Variants in DNAJC10 observed in about 807,000 individuals in gnomAD.
DNAJC10 encodes DnaJ heat shock protein family (Hsp40) member C10, also known as endoplasmic reticulum disulfide reductase DNAJC10.
A neutral mutation model predicts 115.0 loss-of-function variants in DNAJC10; 101 were observed. The observed-to-expected ratio is 0.88, with a 90% confidence interval of 0.75 to 1.04. The LOEUF (loss-of-function observed/expected upper bound fraction) is 1.04, where lower values mean the gene tolerates loss of function less well. Ranked by LOEUF, DNAJC10 falls within the 50% of genes least tolerant of loss-of-function variation. DNAJC10 has a pLI of 0.00. For synonymous variants in DNAJC10, 307 were observed against 301.5 expected (o/e 1.02, Z -0.19); for missense variants, 981 against 928.8 (o/e 1.06, Z -0.73).
chr2:182,764,943 A>G (rs530184859), intron 22 of DNAJC10, among the ~76,000 whole-genome samples: 2 of 152,292 alleles, frequency 1.3e-5, no homozygotes, highest in African/African-American at 2.4e-5. Context: ...TAAGATTACC[A>G]TGGGGACCCT....
At position 182,741,330 on chromosome 2, in the gene DNAJC10, ACT is replaced by A. The variant is rs1693731923; in HGVS notation, c.1168_1169del (p.Leu390ThrfsTer2). 6.3e-7 allele frequency: 1 copy of A among 1,582,850 alleles called. No homozygotes were observed. The highest frequency in any genetic ancestry group is 2.3e-5 in the East Asian group (1 of 44,048). ...TGATCCTGAGCTGAAAAAACTAAAA[ACT>A]CTACTTAAAAATGATCATATTCAAG... ...SNDPELKKLK[T>X]LLKNDHIQVG... On this transcript the variant is annotated frameshift_variant, in exon 13 of 24. Coordinates refer to ENST00000264065, the MANE Select transcript of DNAJC10 (RefSeq NM_018981.4). LOFTEE classifies it high-confidence loss of function.
intron 22 of DNAJC10, among the ~76,000 whole-genome samples, chr2:182,771,451 T>G (rs1262648752): frequency 6.6e-6 from 1 of 152,218 alleles, no homozygotes; most frequent in African/African-American, 2.4e-5. Context: ...TGAATCCTTC[T>G]GGTCCTGGAC....
intron 11 of DNAJC10, among the ~76,000 whole-genome samples, chr2:182,737,588 C>T (rs555116885): frequency 2.0e-5 from 3 of 152,238 alleles, no homozygotes; most frequent in African/African-American, 7.2e-5. Context: ...TACACATGCA[C>T]CTATACGTAT....
At chr2:182,754,955 A>G (rs752381130) in intron 16 of DNAJC10, 48 bp from the exon 17 acceptor site, 3 of 1,388,376 alleles carry the variant, frequency 2.2e-6, no homozygotes, top group South Asian at 2.4e-5. Flanking sequence ...TTTGTAACAA[A>G]TAGGTGAAAT....
intron 14 of DNAJC10, among the ~76,000 whole-genome samples, chr2:182,750,210 G>T (rs541228223): frequency 6.6e-6 from 1 of 152,192 alleles, no homozygotes; most frequent in Non-Finnish European, 1.5e-5. Flanking sequence ...GCAGTTGAGT[G>T]ATTGTACCGT....
chr2:182,774,589 C>G (rs1378940054), intron 22 of DNAJC10, among the ~76,000 whole-genome samples: 1 of 152,236 alleles, frequency 6.6e-6, no homozygotes, highest in Non-Finnish European at 1.5e-5. Flanking sequence ...GCTACCACCT[C>G]ACAGTTCAAT....
At chr2:182,745,316 G>C (rs1574936698) in intron 14 of DNAJC10, among the ~76,000 whole-genome samples, 1 of 152,148 alleles carries the variant, frequency 6.6e-6, no homozygotes, top group African/African-American at 2.4e-5. Context: ...CTTAGCTCCA[G>C]CTACCTTTGG....
chr2:182,771,691 T>C (rs1694567373), intron 22 of DNAJC10, among the ~76,000 whole-genome samples: 1 of 152,216 alleles, frequency 6.6e-6, no homozygotes, highest in Admixed American at 6.5e-5. Flanking sequence ...TATCATTTTT[T>C]ATTGCGTCCA....
At chr2:182,739,918 G>A in intron 11 of DNAJC10, 2 of 985,246 alleles carry the variant, frequency 2.0e-6, no homozygotes, top group Non-Finnish European at 2.4e-6. Flanking sequence ...TAAAACATTG[G>A]CATTCTGTAA....
chr2:182,748,474 G>T, intron 14 of DNAJC10, among the ~76,000 whole-genome samples: 1 of 152,130 alleles, frequency 6.6e-6, no homozygotes, highest in Non-Finnish European at 1.5e-5. Flanking sequence ...TGTATGAGTC[G>T]AGGAACTTAT....
chr2:182,736,680 A>G (rs1444783553), intron 11 of DNAJC10, among the ~76,000 whole-genome samples: 2 of 152,224 alleles, frequency 1.3e-5, no homozygotes, highest in African/African-American at 2.4e-5. Context: ...CCCCAAAAGT[A>G]TGGAGTACAT....
intron 14 of DNAJC10, 138 bp downstream of exon 14, chr2:182,743,850 T>C: frequency 4.9e-6 from 3 of 614,928 alleles, no homozygotes; most frequent in South Asian, 2.1e-5. Context: ...AGGACAGATA[T>C]TTTGAATTAT....
chr2:182,780,786 A>G lies in DNAJC10; in HGVS notation c.*3654A>G, dbSNP rs2105719417. The G allele has an allele frequency of 6.6e-6, 1 of 152,292 alleles. No individual in the cohort carries two copies. The highest frequency in any genetic ancestry group is 6.5e-5 in the Admixed American group (1 of 15,282). 9.4% of individuals were successfully genotyped at this position (152,292 alleles called of 1,614,324 possible). A position where few individuals can be genotyped will look rare whatever the true frequency, so the allele number is the denominator to read the frequency against. ...ATGGAAACTAGCCAAAAATACAGCC[A>G]AAGTCTCAACGCCAAACTGGTCTAC... On this transcript the variant is annotated 3_prime_UTR_variant, in exon 24 of 24. Coordinates refer to ENST00000264065, the MANE Select transcript of DNAJC10 (RefSeq NM_018981.4).
At position 182,777,111 on chromosome 2, in the gene DNAJC10, A is replaced by G; in HGVS notation, c.2371-10A>G. 7.1e-7 allele frequency: 1 copy of G among 1,404,178 alleles called. No homozygotes were observed. The highest frequency in any genetic ancestry group is 2.5e-5 in the East Asian group (1 of 40,662). 87.0% of individuals were successfully genotyped at this position (1,404,178 alleles called of 1,614,324 possible). ...CTCCTTTCTCTATCGCCTTTACATT[A>G]TTATTATAGGATGAACTTTGATAAT... On this transcript the variant is annotated splice_polypyrimidine_tract_variant and intron_variant, in intron 23 of 23. Coordinates refer to ENST00000264065, the MANE Select transcript of DNAJC10 (RefSeq NM_018981.4).
chr2:182,738,950 C>A (rs1226893895), intron 11 of DNAJC10, among the ~76,000 whole-genome samples: 1 of 151,924 alleles, frequency 6.6e-6, no homozygotes, highest in Non-Finnish European at 1.5e-5. Context: ...CTAACAAATT[C>A]TCCTCTAACA....
rs528524748 is a variant in DNAJC10 at position 182,768,602 on chromosome 2, G to C, written c.2265+5801G>C. Among the ~76,000 whole-genome samples, 94 of 152,282 alleles carry C rather than the reference G, an allele frequency of 6.2e-4. 2 individuals carry two copies. Among genetic ancestry groups the C allele is most frequent in the African/African-American group, 2.1e-3 (88 of 41,554 alleles). On this transcript the variant is annotated intron_variant, in intron 22 of 23. Coordinates refer to ENST00000264065, the MANE Select transcript of DNAJC10 (RefSeq NM_018981.4). ...AATTCTAGCACATAGTTGGGGATTAGAGTTCACACCAAGATTAAGACAACA... is the reference window on the plus strand; with the variant it reads ...AATTCTAGCACATAGTTGGGGATTACAGTTCACACCAAGATTAAGACAACA...
Position 182,716,450 on chromosome 2 carries a change from G to A in DNAJC10, c.-237G>A, listed in dbSNP as rs904152862. 5 of 152,834 alleles carry A rather than the reference G, an allele frequency of 3.3e-5. No individual in the cohort carries two copies. Among genetic ancestry groups the A allele is most frequent in the African/African-American group, 1.2e-4 (5 of 41,572 alleles). 9.5% of individuals were successfully genotyped at this position (152,834 alleles called of 1,614,324 possible). A position where few individuals can be genotyped will look rare whatever the true frequency, so the allele number is the denominator to read the frequency against. On this transcript the variant is annotated 5_prime_UTR_variant, in exon 1 of 24. Coordinates refer to ENST00000264065, the MANE Select transcript of DNAJC10 (RefSeq NM_018981.4). Reference sequence around the variant, plus strand: ...CCGCCGCCAGGGTTTGAGGATGGGGGAGTAGCTACAGGAAGCGACCCCGCG... The same window carrying A: ...CCGCCGCCAGGGTTTGAGGATGGGGAAGTAGCTACAGGAAGCGACCCCGCG...
rs1185772036 is a variant in DNAJC10 at position 182,788,336 on chromosome 2, C to G, written c.*11204C>G. ...GGATGTCCCATGTCTTATCCATAAG[C>G]AGTAGTCCAGAAAACATAGCGAGGA... is the stretch of plus-strand genomic sequence containing the variant. On this transcript the variant is annotated 3_prime_UTR_variant, in exon 24 of 24. Transcript: ENST00000264065. The G allele has an allele frequency of 1.0e-5, 2 of 193,602 alleles. No individual in the cohort carries two copies. Among genetic ancestry groups the G allele is most frequent in the Non-Finnish European group, 2.1e-5 (2 of 95,342 alleles). The allele number at this position is 193,602 out of a possible 1,614,324, so 12.0% of individuals were successfully genotyped here. A position where few individuals can be genotyped will look rare whatever the true frequency, so the allele number is the denominator to read the frequency against.
Position 182,755,124 on chromosome 2 carries a change from A to C in DNAJC10, c.1653+20A>C. On this transcript the variant is annotated intron_variant, in intron 17 of 23. Coordinates refer to ENST00000264065, the MANE Select transcript of DNAJC10 (RefSeq NM_018981.4). Reference sequence around the variant, plus strand: ...ATAGAGGTATTTCAGATTATAGACTATGTGACTAGAAATTTGTCTGTTTCT... The same window carrying C: ...ATAGAGGTATTTCAGATTATAGACTCTGTGACTAGAAATTTGTCTGTTTCT... The C allele has an allele frequency of 7.0e-7, 1 of 1,431,082 alleles. No individual in the cohort carries two copies. Among genetic ancestry groups the C allele is most frequent in the Non-Finnish European group, 9.9e-7 (1 of 1,013,618 alleles). 88.6% of individuals were successfully genotyped at this position (1,431,082 alleles called of 1,614,324 possible). A position where few individuals can be genotyped will look rare whatever the true frequency, so the allele number is the denominator to read the frequency against.
Sources: allele counts gnomAD v4.1 joint callset (sites outside exome capture counted in the v4.1 genomes callset), GRCh38; gene constraint gnomAD v4.1.1; transcripts MANE v1.5; gene names NCBI Gene and HGNC (gene_info 2026-07-23, HGNC 2026-07-21).